Variants in PPM1H observed in about 807,000 individuals in gnomAD.
The protein encoded by PPM1H is protein phosphatase, Mg2+/Mn2+ dependent 1H, also known as protein phosphatase 1H.
Under a neutral mutation model 54.9 loss-of-function variants are expected in PPM1H, and 27 were observed. The ratio of observed to expected loss-of-function variants is 0.49; its 90% confidence interval spans 0.36 to 0.68. PPM1H has a LOEUF of 0.68. PPM1H is among the 30% of genes least tolerant of loss of function. PPM1H has a pLI of 0.00. For missense variants in PPM1H, 596 were observed against 667.8 expected, an observed-to-expected ratio of 0.89 and a Z score of 1.19; for synonymous variants, 305 against 270.8, an observed-to-expected ratio of 1.13 and a Z score of -1.24.
At chr12:62,727,924 G>T (rs939876149) in intron 5 of PPM1H, among the ~76,000 whole-genome samples, 55 of 151,922 alleles carry the variant, frequency 3.6e-4, no homozygotes, top group African/African-American at 1.1e-3. Flanking sequence ...GCCTCCCAAA[G>T]TGCTGGGATT....
At chr12:62,785,944 G>A (rs1351025774) in intron 4 of PPM1H, among the ~76,000 whole-genome samples, 4 of 152,082 alleles carry the variant, frequency 2.6e-5, no homozygotes, top group South Asian at 4.2e-4. Flanking sequence ...TATTCCAGCC[G>A]GGAAGTTGAG....
chr12:62,771,087 C>CAA lies in PPM1H; in HGVS notation c.869+17137_869+17138dup, dbSNP rs1555195448. Among the ~76,000 whole-genome samples the CAA allele has an allele frequency of 8.9e-5, 12 of 134,118 alleles. No homozygotes were observed. The East Asian group carries it at 2.1e-3, about 23-fold the overall frequency. The allele number at this position is 134,118 out of a possible 152,430, so 88.0% of individuals were successfully genotyped here. A position where few individuals can be genotyped will look rare whatever the true frequency, so the allele number is the denominator to read the frequency against. On this transcript the variant is annotated intron_variant, in intron 4 of 9. Transcript: ENST00000228705. ...ACACACACACACACACACACACACA[C>CAA]AACTGTGTTTTTCGAATGCCTGAGA...
intron 3 of PPM1H, among the ~76,000 whole-genome samples, chr12:62,795,239 GT>G (rs2076725681): frequency 1.3e-5 from 2 of 152,008 alleles, no homozygotes; most frequent in South Asian, 4.1e-4. Flanking sequence ...TCTGTATTTT[GT>G]GACTAGTACC....
intron 1 of PPM1H, among the ~76,000 whole-genome samples, chr12:62,865,034 A>G (rs1869725883): frequency 6.6e-6 from 1 of 152,204 alleles, no homozygotes; most frequent in Non-Finnish European, 1.5e-5. Context: ...GGCCAAATGA[A>G]TTCTCTCTCG....
intron 6 of PPM1H, among the ~76,000 whole-genome samples, chr12:62,719,070 T>A (rs962842781): frequency 6.6e-6 from 1 of 152,222 alleles, no homozygotes; most frequent in Non-Finnish European, 1.5e-5. Flanking sequence ...CATAGTTTGC[T>A]AACCTTGTTG....
chr12:62,754,212 A>AT (rs779628031), intron 4 of PPM1H, among the ~76,000 whole-genome samples: 137 of 152,134 alleles, frequency 9.0e-4, no homozygotes, highest in Non-Finnish European at 1.7e-3. Flanking sequence ...ATCAGGTATA[A>AT]TTTTTTTTAA....
intron 6 of PPM1H, among the ~76,000 whole-genome samples, chr12:62,697,169 C>G (rs945605182): frequency 6.7e-6 from 1 of 150,132 alleles, no homozygotes; most frequent in African/African-American, 2.5e-5. Flanking sequence ...CTCTGTTGAC[C>G]AGGCTGGAGT....
chr12:62,703,550 G>A (rs1423717753), intron 6 of PPM1H, among the ~76,000 whole-genome samples: 1 of 151,862 alleles, frequency 6.6e-6, no homozygotes, highest in Non-Finnish European at 1.5e-5. Flanking sequence ...AAACATCTTC[G>A]GTCCCCCTTC....
intron 4 of PPM1H, among the ~76,000 whole-genome samples, chr12:62,776,196 G>A (rs1267826186): frequency 8.5e-5 from 13 of 152,094 alleles, no homozygotes; most frequent in Admixed American, 8.5e-4. Context: ...TTTGGGTGGG[G>A]ACACAGCCAA....
chr12:62,921,871 AC>A (rs1871810512), intron 1 of PPM1H, among the ~76,000 whole-genome samples: 1 of 152,226 alleles, frequency 6.6e-6, no homozygotes, highest in Admixed American at 6.5e-5. Flanking sequence ...CAGGGGACTC[AC>A]ATAAAACCTC....
At chr12:62,813,951 C>G (rs970063861) in intron 2 of PPM1H, among the ~76,000 whole-genome samples, 1 of 151,326 alleles carries the variant, frequency 6.6e-6, no homozygotes, top group Non-Finnish European at 1.5e-5. Flanking sequence ...CTTTATTGCC[C>G]TTAAATTATT....
intron 9 of PPM1H, among the ~76,000 whole-genome samples, chr12:62,663,807 C>T (rs1242208629): frequency 6.6e-6 from 1 of 152,126 alleles, no homozygotes; most frequent in African/African-American, 2.4e-5. Context: ...GCCTGACCAA[C>T]ATGGAGAAAC....
At chr12:62,855,492 C>T (rs1462378112) in intron 1 of PPM1H, among the ~76,000 whole-genome samples, 1 of 152,114 alleles carries the variant, frequency 6.6e-6, no homozygotes, top group African/African-American at 2.4e-5. Flanking sequence ...AGATTTTGAA[C>T]ACTGCGGTGC....
chr12:62,699,461 G>A (rs896824371), intron 6 of PPM1H, among the ~76,000 whole-genome samples: 1 of 152,136 alleles, frequency 6.6e-6, no homozygotes, highest in African/African-American at 2.4e-5. Flanking sequence ...GCCTCCCAAA[G>A]AGCTGGGATT....
chr12:62,790,197 C>T (rs1454774065), intron 3 of PPM1H, among the ~76,000 whole-genome samples: 2 of 152,108 alleles, frequency 1.3e-5, no homozygotes, highest in African/African-American at 4.8e-5. Context: ...GCTCTAGGGG[C>T]CAGAGATGGT....
intron 1 of PPM1H, among the ~76,000 whole-genome samples, chr12:62,847,213 G>A (rs112849365): frequency 2.0e-5 from 3 of 152,330 alleles, no homozygotes; most frequent in East Asian, 1.9e-4. Context: ...TGTGAGAAGA[G>A]TACATGTTGG....
intron 5 of PPM1H, among the ~76,000 whole-genome samples, chr12:62,734,045 G>A (rs545904636): frequency 2.6e-5 from 4 of 152,084 alleles, no homozygotes; most frequent in East Asian, 1.9e-4. Context: ...GAAGTGATTA[G>A]GTCATGAGGG....
intron 1 of PPM1H, among the ~76,000 whole-genome samples, chr12:62,858,180 C>T (rs896234555): frequency 6.6e-5 from 10 of 151,896 alleles, no homozygotes; most frequent in African/African-American, 1.9e-4. Flanking sequence ...CCACAGAGAG[C>T]CTTGTATTAT....
At chr12:62,742,807 G>A (rs2076389292) in intron 4 of PPM1H, among the ~76,000 whole-genome samples, 1 of 152,104 alleles carries the variant, frequency 6.6e-6, no homozygotes, top group Admixed American at 6.5e-5. Flanking sequence ...GGGTTGAGGT[G>A]ATTTAATCCA....
Sources: allele counts gnomAD v4.1 joint callset (sites outside exome capture counted in the v4.1 genomes callset), GRCh38; gene constraint gnomAD v4.1.1; transcripts MANE v1.5; gene names NCBI Gene and HGNC (gene_info 2026-07-23, HGNC 2026-07-21).